Variants in ZNF654 observed in about 807,000 individuals in gnomAD.
ZNF654 encodes melanoma-associated antigen.
In ZNF654, 19 loss-of-function variants were observed where a neutral mutation model predicts 95.3. The ratio of observed to expected loss-of-function variants is 0.20; its 90% CI spans 0.14 to 0.29. ZNF654 has a LOEUF of 0.29. ZNF654 is among the 10% of genes least tolerant of loss of function. ZNF654 has a pLI of 1.00. For missense variants in ZNF654, 1,046 were observed against 1,341.0 expected (o/e 0.78, Z 3.44); for synonymous variants, 413 against 457.9 (o/e 0.90, Z 1.25).
chr3:88,114,965 C>T (rs1334862298), intron 3 of ZNF654, among the ~76,000 whole-genome samples: 1 of 152,206 alleles, frequency 6.6e-6, no homozygotes, highest in Non-Finnish European at 1.5e-5. Flanking sequence ...ATAAATTATA[C>T]TGTGCAAGTT....
At chr3:88,096,602 A>G (rs1704075522) in intron 2 of ZNF654, among the ~76,000 whole-genome samples, 1 of 152,130 alleles carries the variant, frequency 6.6e-6, no homozygotes, top group African/African-American at 2.4e-5. Context: ...AAGTCCATCC[A>G]GTGTCTTCTG....
intron 1 of ZNF654, among the ~76,000 whole-genome samples, chr3:88,077,423 G>A (rs1469722550): frequency 2.7e-5 from 4 of 149,658 alleles, no homozygotes; most frequent in African/African-American, 9.9e-5. Context: ...AAGCTCCGCC[G>A]CCGGGTTCAC....
chr3:88,137,627 T>A (rs1490365270), intron 7 of ZNF654, among the ~76,000 whole-genome samples: 1 of 152,086 alleles, frequency 6.6e-6, no homozygotes, highest in Non-Finnish European at 1.5e-5. Context: ...AATGGGGAAT[T>A]TTAACTGTAC....
At chr3:88,112,509 A>T (rs2107764509) in intron 2 of ZNF654, among the ~76,000 whole-genome samples, 1 of 106,082 alleles carries the variant, frequency 9.4e-6, no homozygotes, top group African/African-American at 3.0e-5. Context: ...ATTTCCAAAT[A>T]ATTTATTTAA....
At chr3:88,078,109 T>A (rs1397747764) in intron 1 of ZNF654, among the ~76,000 whole-genome samples, 2 of 152,236 alleles carry the variant, frequency 1.3e-5, no homozygotes, top group African/African-American at 2.4e-5. Flanking sequence ...CTATTGTGAA[T>A]ATCGGACTGA....
At chr3:88,126,337 G>C in intron 4 of ZNF654, 68 bp downstream of exon 4, 1 of 1,305,456 alleles carries the variant, frequency 7.7e-7, no homozygotes, top group Non-Finnish European at 9.8e-7. Flanking sequence ...TTACTAACTA[G>C]AGCAGTAATA....
intron 2 of ZNF654, among the ~76,000 whole-genome samples, chr3:88,096,893 G>GA (rs1200749817): frequency 6.6e-6 from 1 of 151,844 alleles, no homozygotes; most frequent in African/African-American, 2.4e-5. Context: ...GCATATATAA[G>GA]AAAAAAACCT....
At chr3:88,092,042 T>C (rs1386550030) in intron 2 of ZNF654, among the ~76,000 whole-genome samples, 1 of 152,206 alleles carries the variant, frequency 6.6e-6, no homozygotes, top group East Asian at 1.9e-4. Context: ...AAATATGTTA[T>C]CTTGATGACT....
At chr3:88,074,486 C>T (rs1190378549) in intron 1 of ZNF654, among the ~76,000 whole-genome samples, 1 of 152,006 alleles carries the variant, frequency 6.6e-6, no homozygotes, top group East Asian at 1.9e-4. Flanking sequence ...GGATTACAGG[C>T]ATCTGCCTCC....
chr3:88,087,095 T>C (rs899383929), intron 2 of ZNF654, among the ~76,000 whole-genome samples: 7 of 151,718 alleles, frequency 4.6e-5, no homozygotes, highest in Non-Finnish European at 1.0e-4. Flanking sequence ...TGTTTTGTTT[T>C]TTTGAGACAG....
intron 2 of ZNF654, among the ~76,000 whole-genome samples, chr3:88,104,365 A>G (rs1704610830): frequency 1.3e-5 from 2 of 152,228 alleles, no homozygotes; most frequent in Admixed American, 1.3e-4. Context: ...TTTTAGACTC[A>G]TGGACCGTAG....
At chr3:88,112,364 T>C (rs1024624971) in intron 2 of ZNF654, among the ~76,000 whole-genome samples, 3 of 151,906 alleles carry the variant, frequency 2.0e-5, no homozygotes, top group Non-Finnish European at 4.4e-5. Context: ...GAGGGATTTG[T>C]CACTTGTACT....
intron 7 of ZNF654, among the ~76,000 whole-genome samples, chr3:88,138,450 T>TG (rs11456258): frequency 0.78 from 119,056 of 151,952 alleles, 47,568 homozygotes; most frequent in South Asian, 0.91. Flanking sequence ...TTATGGATAG[T>TG]GGGCTTGTCA....
intron 6 of ZNF654, among the ~76,000 whole-genome samples, chr3:88,131,962 C>CA (rs987588864): frequency 6.6e-6 from 1 of 152,046 alleles, no homozygotes; most frequent in African/African-American, 2.4e-5. Flanking sequence ...TGCTGTATCC[C>CA]AAACCAATGG....
Position 88,059,404 on chromosome 3 carries a change from G to T in ZNF654, c.85G>T (p.Gly29Trp), listed in dbSNP as rs1177565363. The T allele has an allele frequency of 6.5e-7, 1 of 1,534,554 alleles. No individual in the cohort carries two copies. The highest frequency in any genetic ancestry group is 8.7e-7 in the Non-Finnish European group (1 of 1,146,318). Reference sequence around the variant, plus strand: ...TGTGGAGTCCCCGCTGGGCCCTGTGGGGCTTAGAGCTGCGGGCGACGGCAG... The same window carrying T: ...TGTGGAGTCCCCGCTGGGCCCTGTGTGGCTTAGAGCTGCGGGCGACGGCAG... ...AIVESPLGPV[G>W]LRAAGDGRGG... The change falls in exon 1 of 9, where the codon GGG becomes TGG. Residue 29 changes from glycine to tryptophan, a missense_variant. Gly to Trp is a radical substitution (Grantham distance 184). Coordinates refer to ENST00000636215, the MANE Select transcript of ZNF654 (RefSeq NM_001350134.2).
intron 3 of ZNF654, among the ~76,000 whole-genome samples, chr3:88,120,881 T>G (rs1705730397): frequency 6.6e-6 from 1 of 152,098 alleles, no homozygotes; most frequent in Non-Finnish European, 1.5e-5. Context: ...TAATTCAAAG[T>G]CTGATTTTAG....
In ZNF654 at chr3:88,140,967, T is replaced by G. The variant is rs780559502; in HGVS notation, c.3298T>G (p.Tyr1100Asp). 1 of 1,613,492 alleles carries G rather than the reference T, an allele frequency of 6.2e-7. No homozygotes were observed. The highest frequency in any genetic ancestry group is 1.7e-5 in the Admixed American group (1 of 59,950). The part of the protein sequence containing the change: ...RLRCGKCLTT[Y>D]CNAEALEAHL... ...AAGATGTGGCAAATGCCTGACCACC[T>G]ACTGTAATGCAGAAGCACTTGAGGC... The change falls in exon 8 of 9, where the codon TAC (tyrosine) becomes GAC (aspartate). Residue 1100 changes from tyrosine to aspartate, a missense_variant. Transcript: ENST00000636215.
intron 1 of ZNF654, among the ~76,000 whole-genome samples, chr3:88,066,191 A>G (rs1452113029): frequency 6.6e-6 from 1 of 152,240 alleles, no homozygotes; most frequent in Non-Finnish European, 1.5e-5. Flanking sequence ...ATGAGGTTCT[A>G]AACTTCAGTG....
intron 1 of ZNF654, among the ~76,000 whole-genome samples, chr3:88,070,816 G>C (rs377620673): frequency 2.9e-4 from 44 of 152,272 alleles, no homozygotes; most frequent in African/African-American, 9.9e-4. Context: ...GAATGATGCA[G>C]CTGAGACTCA....
Sources: gnomAD v4.1 joint callset for allele counts (sites outside exome capture counted in the v4.1 genomes callset) on GRCh38, gnomAD v4.1.1 for gene constraint, MANE v1.5 for transcripts, NCBI Gene and HGNC (gene_info 2026-07-23, HGNC 2026-07-21) for gene names.